MYPN: variants seen among roughly 807,000 people sequenced by gnomAD.
MYPN encodes sarcomeric protein myopalladin, 145 kDa (MYOP).
Under a neutral mutation model 129.4 loss-of-function variants are expected in MYPN, and 63 were observed. That is an observed-to-expected ratio of 0.49 (90% CI 0.40 to 0.60). The LOEUF is 0.60. Among genes scored for constraint, MYPN ranks in the 20% least tolerant of loss-of-function variants. The pLI, the probability that MYPN is intolerant of heterozygous loss-of-function variation, is 0.00. For synonymous variants in MYPN, 629 were observed against 600.9 expected (o/e 1.05, Z -0.68); for missense variants, 1,596 against 1,635.4 (o/e 0.98, Z 0.42).
At chr10:68,093,999 G>A (rs531980756) in intron 1 of MYPN, among the ~76,000 whole-genome samples, 1 of 152,252 alleles carries the variant, frequency 6.6e-6, no homozygotes, top group Admixed American at 6.5e-5. Flanking sequence ...CACGGTGGTG[G>A]TGAGTGGGAG....
intron 17 of MYPN, among the ~76,000 whole-genome samples, chr10:68,200,869 C>G (rs1227433682): frequency 2.0e-5 from 3 of 152,112 alleles, no homozygotes; most frequent in Non-Finnish European, 4.4e-5. Flanking sequence ...TTAATTTCTT[C>G]TCACCAATAA....
intron 6 of MYPN, among the ~76,000 whole-genome samples, chr10:68,156,754 C>G (rs550881837): frequency 1.3e-5 from 2 of 152,304 alleles, no homozygotes; most frequent in South Asian, 4.1e-4. Flanking sequence ...ATATTCGTAA[C>G]AGCGAATGAC....
intron 10 of MYPN, among the ~76,000 whole-genome samples, chr10:68,169,417 T>A (rs1005924081): frequency 1.3e-5 from 2 of 151,572 alleles, no homozygotes; most frequent in Non-Finnish European, 2.9e-5. Context: ...GAATAGGATT[T>A]GAGCATGGAA....
chr10:68,170,277 T>G (rs1295897560), intron 10 of MYPN, among the ~76,000 whole-genome samples: 1 of 152,216 alleles, frequency 6.6e-6, no homozygotes, highest in Non-Finnish European at 1.5e-5. Flanking sequence ...CCAATTAATA[T>G]AAGACGTCTT....
At chr10:68,100,067 A>G (rs1158253216) in intron 1 of MYPN, among the ~76,000 whole-genome samples, 4 of 152,162 alleles carry the variant, frequency 2.6e-5, no homozygotes, top group African/African-American at 9.7e-5. Context: ...TATACCTTGG[A>G]AAATCTTAAA....
intron 3 of MYPN, among the ~76,000 whole-genome samples, chr10:68,144,384 G>A (rs190005097): frequency 2.6e-5 from 4 of 152,088 alleles, no homozygotes; most frequent in African/African-American, 7.2e-5. Context: ...GTAAGGCCAC[G>A]ACTTATTTAT....
chr10:68,114,054 C>T (rs916309624), intron 1 of MYPN, among the ~76,000 whole-genome samples: 16 of 152,326 alleles, frequency 1.1e-4, no homozygotes, highest in Admixed American at 2.0e-4. Flanking sequence ...GCATTCCTCA[C>T]ACCCAGATTT....
chr10:68,174,274 C>G lies in MYPN; in HGVS notation c.2182C>G (p.Pro728Ala). ...CTTGGCCCGGCCGAAGTATTTCTTC[C>G]CCTCCACGAACACCACCGCAGCAAC... Reference protein sequence around the residue: ...FSLARPKYFFPSTNTTAATVA... With the variant: ...FSLARPKYFFASTNTTAATVA... Residue 728 changes from proline to alanine, a missense_variant, in exon 11 of 20, where the codon CCC becomes GCC. Transcript: ENST00000358913. 2 of 1,614,132 alleles carry G rather than the reference C, an allele frequency of 1.2e-6. No homozygotes were observed. Among genetic ancestry groups the G allele is most frequent in the South Asian group, 1.1e-5 (1 of 91,086 alleles).
At chr10:68,162,990 G>C (rs925797935) in intron 8 of MYPN, among the ~76,000 whole-genome samples, 1 of 152,128 alleles carries the variant, frequency 6.6e-6, no homozygotes, top group African/African-American at 2.4e-5. Flanking sequence ...TGAAAAAAAT[G>C]TCTTAAGAGA....
At chr10:68,131,151 G>T (rs1316179616) in intron 2 of MYPN, among the ~76,000 whole-genome samples, 2 of 152,164 alleles carry the variant, frequency 1.3e-5, no homozygotes, top group South Asian at 4.1e-4. Context: ...CACTTTGGGA[G>T]GCCAAGGCGG....
At chr10:68,093,932 C>T (rs935766384) in intron 1 of MYPN, among the ~76,000 whole-genome samples, 1 of 151,930 alleles carries the variant, frequency 6.6e-6, no homozygotes, top group African/African-American at 2.4e-5. Context: ...AGGGCCCCTC[C>T]ACTTTTTAGG....
chr10:68,094,043 G>A (rs1027698276), intron 1 of MYPN, among the ~76,000 whole-genome samples: 8 of 152,072 alleles, frequency 5.3e-5, no homozygotes, highest in African/African-American at 1.4e-4. Flanking sequence ...TATAATTAGC[G>A]TATAATGAGA....
At chr10:68,093,521 G>A (rs533937558) in intron 1 of MYPN, among the ~76,000 whole-genome samples, 2 of 149,148 alleles carry the variant, frequency 1.3e-5, no homozygotes, top group South Asian at 2.1e-4. Context: ...GGCAAATCAC[G>A]AGGTCAGCAG....
In MYPN at chr10:68,109,610, G is replaced by A. The variant is rs1267507348; in HGVS notation, c.-115G>A. On this transcript the variant is annotated 5_prime_UTR_variant, in exon 1 of 20. An upstream open reading frame in the 5' UTR loses its in-frame stop. Coordinates refer to ENST00000358913, the MANE Select transcript of MYPN (RefSeq NM_032578.4). The stretch of plus-strand genomic sequence containing the variant: ...GGCTACTCTCTATTTCCAAGGGCGT[G>A]AAGAATTTCCCTCTTCTCCTGTGCT... 6.6e-6 allele frequency: 3 copies of A among 454,072 alleles called. No homozygotes were observed. The highest frequency in any genetic ancestry group is 1.4e-4 in the East Asian group (2 of 14,400). 28.1% of individuals were successfully genotyped at this position (454,072 alleles called of 1,614,324 possible).
chr10:68,115,258 CAAA>C (rs58484168), intron 1 of MYPN, among the ~76,000 whole-genome samples: 78 of 53,646 alleles, frequency 1.5e-3, no homozygotes, highest in Middle Eastern at 8.9e-3. Flanking sequence ...AACTCCATCT[CAAA>C]AAAAAAAAAA....
At chr10:68,108,336 C>T (rs1374261653), upstream of MYPN, among the ~76,000 whole-genome samples, 1 of 152,200 alleles carries the variant, frequency 6.6e-6, no homozygotes, top group Non-Finnish European at 1.5e-5. Context: ...GTTCAATGTA[C>T]TATCAATAGT....
At chr10:68,117,394 A>G (rs897080866) in intron 1 of MYPN, among the ~76,000 whole-genome samples, 1 of 152,100 alleles carries the variant, frequency 6.6e-6, no homozygotes, top group Non-Finnish European at 1.5e-5. Flanking sequence ...CACTTCATAT[A>G]TTGTGATAAG....
rs572881232 is a variant in MYPN at position 68,167,014 on chromosome 10, G to A, written c.1973+348G>A. ...TGATCGTGCCACTGTACCCCAGCCT[G>A]GGTGACAGAGCAAGACTTGTCCAGG... On this transcript the variant is annotated intron_variant, in intron 10 of 19. Transcript: ENST00000358913. 2.0e-5 allele frequency among the ~76,000 whole-genome samples: 3 copies of A among 152,216 alleles called. No individual in the cohort carries two copies. In the East Asian group the frequency reaches 5.8e-4, roughly 29 times the overall value.
chr10:68,089,064 C>A lies in MYPN; in HGVS notation c.-2+1072C>A, dbSNP rs1223088935. On this transcript the variant is annotated intron_variant, in intron 1 of 6. Transcript: ENST00000685154. ...GTTTAATTTTTGAGACAGAGTCTCA[C>A]TCTGTTACCCAGGACGGAGTGCAGT... 2.0e-5 allele frequency among the ~76,000 whole-genome samples: 3 copies of A among 152,196 alleles called. No homozygotes were observed. The East Asian group carries it at 5.8e-4, about 29-fold the overall frequency.
Sources: gnomAD v4.1 joint callset for allele counts (sites outside exome capture counted in the v4.1 genomes callset) on GRCh38, gnomAD v4.1.1 for gene constraint, MANE v1.5 for transcripts, NCBI Gene and HGNC (gene_info 2026-07-23, HGNC 2026-07-21) for gene names.